Variants in SEC61A2 observed in about 807,000 individuals in gnomAD.
SEC61A2 encodes SEC61 translocon subunit alpha 2, also known as protein transport protein Sec61 subunit alpha isoform 2.
SEC61A2 carries 28 observed loss-of-function variants against 59.9 expected under a neutral mutation model. That is an observed-to-expected ratio of 0.47 (90% CI 0.35 to 0.64). SEC61A2 has a LOEUF of 0.64. Ranked by LOEUF, SEC61A2 falls within the 30% of genes least tolerant of loss-of-function variation. The pLI is 0.01. For missense variants in SEC61A2, 340 were observed against 585.9 expected (o/e 0.58, Z 4.33); for synonymous variants, 202 against 214.4 (o/e 0.94, Z 0.50).
downstream of SEC61A2, chr10:12,169,495 G>A: frequency 1.8e-6 from 1 of 551,004 alleles, no homozygotes; most frequent in South Asian, 2.5e-5. This position sits in a 1 kb window ranked among gnomAD's most constrained non-coding sequence, Gnocchi z 4.8. Flanking sequence ...CTCAAACCGA[G>A]TCGGGCCTGT....
intron 3 of SEC61A2, among the ~76,000 whole-genome samples, chr10:12,139,541 T>C (rs1833962916): frequency 6.6e-6 from 1 of 151,802 alleles, no homozygotes; most frequent in African/African-American, 2.4e-5. Context: ...TCCCAGCACT[T>C]TGGGAGGCCA....
rs1240514681 is a variant in SEC61A2 at position 12,145,892 on chromosome 10, A to G, written c.220+2697A>G. Among the ~76,000 whole-genome samples the G allele has an allele frequency of 6.6e-6, 1 of 152,240 alleles. No homozygotes were observed. The highest frequency in any genetic ancestry group is 2.4e-5 in the African/African-American group (1 of 41,464). Reference sequence around the variant, plus strand: ...GGATACTGGTTATTTTTTGGAATCTACAGTGGAGATGAACAGCTAAGCCCC... The same window carrying G: ...GGATACTGGTTATTTTTTGGAATCTGCAGTGGAGATGAACAGCTAAGCCCC... On this transcript the variant is annotated intron_variant, in intron 4 of 11. Coordinates refer to ENST00000298428, the MANE Select transcript of SEC61A2 (RefSeq NM_018144.4). The surrounding 1 kb of genome is among the most constrained non-coding windows in gnomAD (Gnocchi z 4.4).
rs1173966538 is a variant in SEC61A2 at position 12,137,329 on chromosome 10, G to T, written c.141+1159G>T. Reference sequence around the variant, plus strand: ...GTGTTTTTTTGGTTTTTGTTTTTTGGTTTTTTTTTGAGACAGGGTCTCACT... The same window carrying T: ...GTGTTTTTTTGGTTTTTGTTTTTTGTTTTTTTTTTGAGACAGGGTCTCACT... On this transcript the variant is annotated intron_variant, in intron 3 of 11. Transcript: ENST00000298428. Among the ~76,000 whole-genome samples, 6 of 150,822 alleles carry T rather than the reference G, an allele frequency of 4.0e-5. 1 individual carries two copies. Among genetic ancestry groups the T allele is most frequent in the African/African-American group, 9.7e-5 (4 of 41,102 alleles).
chr10:12,136,208 T>C (rs751597373), intron 3 of SEC61A2, 38 bp downstream of exon 3: 1 of 1,296,232 alleles, frequency 7.7e-7, no homozygotes, highest in South Asian at 1.2e-5. Flanking sequence ...TCTGCACCAT[T>C]GTTCTAAGGT....
chr10:12,131,983 CAACAA>C (rs1833754842), intron 1 of SEC61A2, among the ~76,000 whole-genome samples: 1 of 57,642 alleles, frequency 1.7e-5, no homozygotes, highest in Non-Finnish European at 3.3e-5. Context: ...AGGCGTGAGC[CAACAA>C]GCCCGGCCTA....
downstream of SEC61A2, chr10:12,167,871 T>C (rs961888402): frequency 7.5e-6 from 12 of 1,604,908 alleles, no homozygotes; most frequent in Non-Finnish European, 1.0e-5. Context: ...AAACATCTTA[T>C]TCAATCAGTG....
In SEC61A2 at chr10:12,158,150, T is replaced by A. The variant is rs377551011; in HGVS notation, c.975+45T>A. ...ACATTATTTATAGTTTATTATAATT[T>A]GCATTTCATGGTTGTATTTTTAATG... On this transcript the variant is annotated intron_variant, in intron 9 of 11. Coordinates refer to ENST00000298428, the MANE Select transcript of SEC61A2 (RefSeq NM_018144.4). This position sits in a 1 kb window ranked among gnomAD's most constrained non-coding sequence, Gnocchi z 5.7. 1.2e-4 allele frequency: 180 copies of A among 1,450,690 alleles called. 1 individual carries two copies. The highest frequency in any genetic ancestry group is 9.3e-4 in the Admixed American group (50 of 53,614). 89.9% of individuals were successfully genotyped at this position (1,450,690 alleles called of 1,614,324 possible).
In SEC61A2 at chr10:12,165,397, C is replaced by G. The variant is rs1834645952; in HGVS notation, c.*943C>G. 2 of 954,296 alleles carry G rather than the reference C, an allele frequency of 2.1e-6. No homozygotes were observed. Among genetic ancestry groups the G allele is most frequent in the Non-Finnish European group, 2.5e-6 (2 of 801,838 alleles). 59.1% of individuals were successfully genotyped at this position (954,296 alleles called of 1,614,324 possible). A position where few individuals can be genotyped will look rare whatever the true frequency, so the allele number is the denominator to read the frequency against. On this transcript the variant is annotated 3_prime_UTR_variant, in exon 12 of 12. Transcript: ENST00000298428. Reference sequence around the variant, plus strand: ...GTTGTGTTGGAAAAAATAAAGAAATCTGATATTAAACGTTTTCTAAGATCA... The same window carrying G: ...GTTGTGTTGGAAAAAATAAAGAAATGTGATATTAAACGTTTTCTAAGATCA...
rs146133554 is a variant in SEC61A2 at position 12,141,104 on chromosome 10, C to T, written c.142-2013C>T. On this transcript the variant is annotated intron_variant, in intron 3 of 11. Transcript: ENST00000298428. ...TAGTAGAGATGGGGTTTCACCATGT[C>T]GGCCAGGCTGGTCTTGAACTCCTAG... 7.4e-3 allele frequency among the ~76,000 whole-genome samples: 1,126 copies of T among 152,172 alleles called. 12 individuals carry two copies. Among genetic ancestry groups the T allele is most frequent in the African/African-American group, 0.026 (1,085 of 41,502 alleles).
At chr10:12,163,439 C>T (rs1176860235) in intron 11 of SEC61A2, among the ~76,000 whole-genome samples, 1 of 150,962 alleles carries the variant, frequency 6.6e-6, no homozygotes, top group African/African-American at 2.4e-5. Flanking sequence ...ATTCTCCTGT[C>T]TCAGCCTCCC....
chr10:12,134,294 A>T (rs1698048651), intron 2 of SEC61A2, among the ~76,000 whole-genome samples: 1 of 152,264 alleles, frequency 6.6e-6, no homozygotes, highest in Non-Finnish European at 1.5e-5. Context: ...GGCGTGAGCC[A>T]CCGCGCCCGG....
rs1032450812 is a variant in SEC61A2, at chr10:12,143,427, C to G, written c.220+232C>G. Among the ~76,000 whole-genome samples the G allele has an allele frequency of 2.6e-5, 4 of 152,012 alleles. No individual in the cohort carries two copies. The highest frequency in any genetic ancestry group is 5.9e-5 in the Non-Finnish European group (4 of 67,990). On this transcript the variant is annotated intron_variant, in intron 4 of 11. Coordinates refer to ENST00000298428, the MANE Select transcript of SEC61A2 (RefSeq NM_018144.4). The surrounding 1 kb of genome is among the most constrained non-coding windows in gnomAD (Gnocchi z 4.8). ...TCTTCAGTGTCAAAGAAGGTGATGT[C>G]CAGATAACATTGGAATTGGAGTCCA...
chr10:12,151,316 C>CTT (rs532543581), intron 6 of SEC61A2, among the ~76,000 whole-genome samples: 15 of 138,122 alleles, frequency 1.1e-4, no homozygotes, highest in Non-Finnish European at 1.9e-4. Context: ...TTTTTCTTTT[C>CTT]TTTTTTTTTT....
rs1169311534 is a variant in SEC61A2 at position 12,143,653 on chromosome 10, A to C, written c.220+458A>C. ...GAGGCTGAGGTAAGAGAATCGCTTG[A>C]ACCTGGGAGATGGAGGTTGCAGTGA... On this transcript the variant is annotated intron_variant, in intron 4 of 11. Transcript: ENST00000298428. This position sits in a 1 kb window ranked among gnomAD's most constrained non-coding sequence, Gnocchi z 4.8. 1.3e-5 allele frequency among the ~76,000 whole-genome samples: 2 copies of C among 152,134 alleles called. No homozygotes were observed. The highest frequency in any genetic ancestry group is 6.5e-5 in the Admixed American group (1 of 15,270).
Position 12,152,155 on chromosome 10 carries a change from C to T in SEC61A2, c.462+2194C>T, listed in dbSNP as rs1419815529. On this transcript the variant is annotated intron_variant, in intron 6 of 11. Coordinates refer to ENST00000298428, the MANE Select transcript of SEC61A2 (RefSeq NM_018144.4). This position sits in a 1 kb window ranked among gnomAD's most constrained non-coding sequence, Gnocchi z 5.5. The stretch of plus-strand genomic sequence containing the variant: ...CTAAAGTGCAGTGGTGCAATCTTGG[C>T]TCACTGCAACCTCCGCCTCCCAGGT... Among the ~76,000 whole-genome samples, 1 of 150,966 alleles carries T rather than the reference C, an allele frequency of 6.6e-6. No individual in the cohort carries two copies. The highest frequency in any genetic ancestry group is 1.5e-5 in the Non-Finnish European group (1 of 67,860).
chr10:12,132,563 G>A (rs1162987634), intron 1 of SEC61A2, among the ~76,000 whole-genome samples: 3 of 151,080 alleles, frequency 2.0e-5, no homozygotes, highest in Non-Finnish European at 2.9e-5. Context: ...GCACTGAGCC[G>A]AGATCGTGCC....
At position 12,129,879 on chromosome 10, in the gene SEC61A2, G is replaced by T. The variant is rs867611737; in HGVS notation, c.7+85G>T. 5.8e-5 allele frequency: 70 copies of T among 1,202,968 alleles called. No homozygotes were observed. The African/African-American group carries it at 9.9e-4, about 17-fold the overall frequency. 74.5% of individuals were successfully genotyped at this position (1,202,968 alleles called of 1,614,324 possible). A position where few individuals can be genotyped will look rare whatever the true frequency, so the allele number is the denominator to read the frequency against. ...CGGGCGGTGGGGCTGGCGCTCGCTC[G>T]GAGTCGTGGGGGCCAGGGATGCGCG... is the stretch of plus-strand genomic sequence containing the variant. On this transcript the variant is annotated intron_variant, in intron 1 of 11. Transcript: ENST00000298428. The surrounding 1 kb of genome is among the most constrained non-coding windows in gnomAD (Gnocchi z 5.6).
chr10:12,167,926 C>T, downstream of SEC61A2: 1 of 1,463,832 alleles, frequency 6.8e-7, no homozygotes, highest in South Asian at 1.4e-5. Context: ...ATGCTAGATG[C>T]TGGTGATAAC....
At chr10:12,136,251 TTAAAA>T (rs1343888436) in intron 3 of SEC61A2, 81 bp downstream of exon 3, 5 of 894,534 alleles carry the variant, frequency 5.6e-6, no homozygotes, top group Admixed American at 2.0e-5. Flanking sequence ...ATTTTTTTTG[TTAAAA>T]TAAAGAATAC....
Sources: allele counts gnomAD v4.1 joint callset (sites outside exome capture counted in the v4.1 genomes callset), GRCh38; gene constraint gnomAD v4.1.1; non-coding constraint Gnocchi (gnomAD v3.1); transcripts MANE v1.5; gene names NCBI Gene and HGNC (gene_info 2026-07-23, HGNC 2026-07-21).